The following UNC13C variants were observed in gnomAD, a reference collection of about 807,000 sequenced individuals.
UNC13C encodes unc-13 homolog C.
Under a neutral mutation model 245.4 loss-of-function variants are expected in UNC13C, and 174 were observed. The ratio of observed to expected loss-of-function variants is 0.71; its 90% confidence interval spans 0.63 to 0.80. The LOEUF (loss-of-function observed/expected upper bound fraction) is 0.80. Ranked by LOEUF, UNC13C falls within the 30% of genes least tolerant of loss-of-function variation. The probability of loss-of-function intolerance (pLI) is 0.00; values close to 1 mark genes in which losing one functional copy is unlikely to be tolerated. For missense variants in UNC13C, 2,829 were observed against 2,602.9 expected (o/e 1.09, Z -1.89); for synonymous variants, 992 against 895.1 (o/e 1.11, Z -1.93).
At chr15:54,128,376 C>T (rs79356416) in intron 2 of UNC13C, among the ~76,000 whole-genome samples, 2,560 of 152,212 alleles carry the variant, frequency 0.017, 41 homozygotes, top group East Asian at 0.083. Context: ...CTTCACAAAA[C>T]TTTCTATTTT....
chr15:54,249,252 C>G (rs900646795), intron 7 of UNC13C, among the ~76,000 whole-genome samples: 1 of 151,474 alleles, frequency 6.6e-6, no homozygotes, highest in African/African-American at 2.4e-5. Context: ...TTTTTACATC[C>G]AGCATCAATA....
At chr15:54,111,597 C>T (rs1373983154) in intron 2 of UNC13C, among the ~76,000 whole-genome samples, 2 of 152,124 alleles carry the variant, frequency 1.3e-5, no homozygotes, top group African/African-American at 4.8e-5. Flanking sequence ...ACCACAAGAC[C>T]TTTTAGTTCT....
chr15:54,548,469 C>T (rs1331462004), intron 27 of UNC13C, among the ~76,000 whole-genome samples: 1 of 151,890 alleles, frequency 6.6e-6, no homozygotes, highest in Middle Eastern at 3.2e-3. Flanking sequence ...TTGAGGCAAC[C>T]ATTAGCTTCA....
chr15:54,135,908 A>G (rs2031705235), intron 2 of UNC13C, among the ~76,000 whole-genome samples: 2 of 152,232 alleles, frequency 1.3e-5, no homozygotes, highest in South Asian at 4.1e-4. Flanking sequence ...ATTTTGGTAG[A>G]GATTCCTTTG....
In UNC13C at chr15:54,403,460, G is replaced by A. The variant is rs988360018; in HGVS notation, c.4847+10279G>A. 3.9e-5 allele frequency among the ~76,000 whole-genome samples: 6 copies of A among 152,064 alleles called. No homozygotes were observed. The East Asian group carries it at 5.8e-4, about 15-fold the overall frequency. On this transcript the variant is annotated intron_variant, in intron 18 of 32. Transcript: ENST00000260323. Reference sequence around the variant, plus strand: ...GTGGAAGCCAGGAGCAGTGGTTCACGCATGTAATCCCAGCACTTTGGGAAC... The same window carrying A: ...GTGGAAGCCAGGAGCAGTGGTTCACACATGTAATCCCAGCACTTTGGGAAC...
intron 4 of UNC13C, among the ~76,000 whole-genome samples, chr15:54,168,399 G>A (rs1017644855): frequency 3.3e-5 from 5 of 152,116 alleles, no homozygotes; most frequent in Non-Finnish European, 7.4e-5. Flanking sequence ...TACATTCATT[G>A]TTAAATTTGT....
intron 2 of UNC13C, among the ~76,000 whole-genome samples, chr15:54,109,314 C>T (rs1373262245): frequency 5.7e-5 from 4 of 70,130 alleles, no homozygotes; most frequent in African/African-American, 2.2e-4. Flanking sequence ...CCCTCCCCTC[C>T]CCTCCCTTTC....
At chr15:53,951,012 G>A in the UNC13C span, among the ~76,000 whole-genome samples, 1 of 152,172 alleles carries the variant, frequency 6.6e-6, no homozygotes, top group Non-Finnish European at 1.5e-5. Context: ...ACGGTGAGAA[G>A]AATATGGGGA....
At chr15:54,536,210 C>T (rs1267776634) in intron 26 of UNC13C, among the ~76,000 whole-genome samples, 1 of 151,948 alleles carries the variant, frequency 6.6e-6, no homozygotes. Flanking sequence ...GACCTCTATG[C>T]ACACAAACTG....
At chr15:54,157,183 A>G (rs2032785267) in intron 4 of UNC13C, among the ~76,000 whole-genome samples, 1 of 152,214 alleles carries the variant, frequency 6.6e-6, no homozygotes. Flanking sequence ...ATGGGACTTG[A>G]GAAGGGAACA....
the UNC13C span, among the ~76,000 whole-genome samples, chr15:53,886,730 A>G: frequency 1.9e-4 from 29 of 152,260 alleles, no homozygotes; most frequent in East Asian, 5.0e-3. Context: ...GATAAACATT[A>G]TTTCAACTGG....
At chr15:54,579,930 TG>T (rs1898129450) in intron 30 of UNC13C, among the ~76,000 whole-genome samples, 1 of 152,196 alleles carries the variant, frequency 6.6e-6, no homozygotes, top group Admixed American at 6.5e-5. Flanking sequence ...AATACCTTTT[TG>T]TTAGGGGTAG....
At chr15:54,037,013 A>T (rs1296648658) in intron 2 of UNC13C, among the ~76,000 whole-genome samples, 1 of 152,242 alleles carries the variant, frequency 6.6e-6, no homozygotes, top group Admixed American at 6.5e-5. Context: ...TGCTGTGGAT[A>T]CTAAATGTAA....
chr15:53,994,363 G>A (rs1894524511), intron 1 of UNC13C, among the ~76,000 whole-genome samples: 1 of 151,960 alleles, frequency 6.6e-6, no homozygotes, highest in Non-Finnish European at 1.5e-5. Context: ...AGCACCTTAA[G>A]ATACAGGAAA....
At chr15:54,417,233 A>C (rs1304409170) in intron 19 of UNC13C, among the ~76,000 whole-genome samples, 1 of 152,164 alleles carries the variant, frequency 6.6e-6, no homozygotes, top group Non-Finnish European at 1.5e-5. Context: ...TGAACAAATA[A>C]ATTGCCAACT....
intron 4 of UNC13C, among the ~76,000 whole-genome samples, chr15:54,181,011 C>T (rs8039173): frequency 0.11 from 16,166 of 151,706 alleles, 1,456 homozygotes; most frequent in African/African-American, 0.24. Context: ...GTCCTACTTG[C>T]CAACTTTTGT....
intron 7 of UNC13C, 61 bp downstream of exon 7, chr15:54,237,751 A>G: frequency 1.5e-6 from 2 of 1,340,224 alleles, no homozygotes; most frequent in East Asian, 2.4e-5. Context: ...ACAAGGGAGA[A>G]ACTGTTCTGC....
intron 19 of UNC13C, among the ~76,000 whole-genome samples, chr15:54,451,359 G>C (rs1188325182): frequency 1.3e-5 from 2 of 151,882 alleles, no homozygotes; most frequent in Non-Finnish European, 2.9e-5. Flanking sequence ...CTAATATTTT[G>C]TTAAATAGGT....
intron 2 of UNC13C, chr15:54,048,745 C>A (rs919060877): frequency 3.6e-6 from 1 of 281,002 alleles, no homozygotes. Flanking sequence ...GGGAGAATAA[C>A]AGGATATGGT....
Sources: gnomAD v4.1 joint callset for allele counts (sites outside exome capture counted in the v4.1 genomes callset) on GRCh38, gnomAD v4.1.1 for gene constraint, MANE v1.5 for transcripts, NCBI Gene and HGNC (gene_info 2026-07-23, HGNC 2026-07-21) for gene names.